Variants in MAGI1 observed in about 807,000 individuals in gnomAD.
MAGI1 encodes membrane associated guanylate kinase, WW and PDZ domain containing 1, also known as membrane-associated guanylate kinase, WW and PDZ domain-containing protein 1.
Under a neutral mutation model 139.9 loss-of-function variants are expected in MAGI1, and 58 were observed. That is an observed-to-expected ratio of 0.41 (90% confidence interval 0.34 to 0.52). MAGI1 has a LOEUF of 0.52. Ranked by LOEUF, MAGI1 falls within the 20% of genes least tolerant of loss-of-function variation. MAGI1 has a pLI of 0.12. For synonymous variants in MAGI1, 812 were observed against 737.9 expected, an observed-to-expected ratio of 1.10 and a Z score of -1.63; for missense variants, 1,874 against 1,901.6, an observed-to-expected ratio of 0.99 and a Z score of 0.27.
Position 65,687,400 on chromosome 3 carries a change from T to C in MAGI1, c.314-65312A>G, listed in dbSNP as rs2088147890. The C allele has an allele frequency of 8.5e-6, 3 of 351,040 alleles. No homozygotes were observed. In the South Asian group the frequency reaches 8.8e-5, roughly 10 times the overall value. 21.7% of individuals were successfully genotyped at this position (351,040 alleles called of 1,614,324 possible). ...CCTTTGTACCACATATCCCGTTTGA[T>C]TTCTATTTGTGTGAAATGGCCCTCC... On this transcript the variant is annotated intron_variant, in intron 1 of 22. Coordinates refer to ENST00000402939, the MANE Select transcript of MAGI1 (RefSeq NM_001033057.2).
At chr3:65,926,719 G>A (rs2062542669) in intron 1 of MAGI1, among the ~76,000 whole-genome samples, 1 of 152,156 alleles carries the variant, frequency 6.6e-6, no homozygotes, top group African/African-American at 2.4e-5. Flanking sequence ...TGGGGGCCGG[G>A]CGTGGTGGCT....
intron 1 of MAGI1, among the ~76,000 whole-genome samples, chr3:65,642,655 CT>C (rs1221772755): frequency 2.6e-5 from 4 of 152,120 alleles, no homozygotes; most frequent in Non-Finnish European, 5.9e-5. Flanking sequence ...ATTTTCTATC[CT>C]TTTTCTTGAT....
intron 5 of MAGI1, among the ~76,000 whole-genome samples, chr3:65,456,610 T>C (rs148031675): frequency 7.8e-4 from 119 of 152,274 alleles, no homozygotes; most frequent in African/African-American, 2.7e-3. Context: ...ATTTCAAAAA[T>C]TTTCTGGTTT....
chr3:65,414,096 T>G lies in MAGI1; in HGVS notation c.2168-12626A>C, dbSNP rs540807758. Among the ~76,000 whole-genome samples, 5 of 152,340 alleles carry G rather than the reference T, an allele frequency of 3.3e-5. No individual in the cohort carries two copies. The South Asian group carries it at 6.2e-4, about 19-fold the overall frequency. On this transcript the variant is annotated intron_variant, in intron 12 of 22. Coordinates refer to ENST00000402939, the MANE Select transcript of MAGI1 (RefSeq NM_001033057.2). Reference sequence around the variant, plus strand: ...TACTGTTTATTTATTTCTTGGTAAATGAAGCTCTAATCAGGCTTTGAGTCA... The same window carrying G: ...TACTGTTTATTTATTTCTTGGTAAAGGAAGCTCTAATCAGGCTTTGAGTCA...
chr3:65,499,336 T>C (rs960109298), intron 2 of MAGI1, among the ~76,000 whole-genome samples: 7 of 152,144 alleles, frequency 4.6e-5, no homozygotes, highest in Non-Finnish European at 8.8e-5. Flanking sequence ...GTTTTAGCTA[T>C]GTAATGGTAA....
chr3:65,980,437 C>T (rs922763983), intron 1 of MAGI1, among the ~76,000 whole-genome samples: 13 of 151,976 alleles, frequency 8.6e-5, no homozygotes, highest in African/African-American at 3.1e-4. Context: ...GTGGTGCACG[C>T]CTATAATCCC....
chr3:65,720,451 A>G (rs2032871539), intron 1 of MAGI1, among the ~76,000 whole-genome samples: 1 of 152,016 alleles, frequency 6.6e-6, no homozygotes, highest in Admixed American at 6.6e-5. Context: ...TACCAATTCC[A>G]TCCTAATTTA....
At chr3:65,916,275 G>A (rs2108702611) in intron 1 of MAGI1, among the ~76,000 whole-genome samples, 1 of 152,106 alleles carries the variant, frequency 6.6e-6, no homozygotes, top group South Asian at 2.1e-4. Flanking sequence ...CGCCATGATA[G>A]CTAGGCTGAT....
chr3:65,656,541 A>C (rs1463736752), intron 1 of MAGI1, among the ~76,000 whole-genome samples: 2 of 152,194 alleles, frequency 1.3e-5, no homozygotes, highest in Non-Finnish European at 2.9e-5. Context: ...ATGGAATAAG[A>C]CAACATCAAA....
intron 1 of MAGI1, among the ~76,000 whole-genome samples, chr3:65,845,963 G>A (rs2058978596): frequency 6.6e-6 from 1 of 152,210 alleles, no homozygotes; most frequent in Admixed American, 6.5e-5. Flanking sequence ...ATGAAAAGCA[G>A]GTAGACAGCC....
intron 2 of MAGI1, among the ~76,000 whole-genome samples, chr3:65,591,400 A>G (rs941603053): frequency 6.6e-6 from 1 of 152,136 alleles, no homozygotes; most frequent in African/African-American, 2.4e-5. Context: ...CTCTCAAAAT[A>G]TATATAACCA....
At chr3:65,695,169 G>A (rs998983729) in intron 1 of MAGI1, among the ~76,000 whole-genome samples, 1 of 152,064 alleles carries the variant, frequency 6.6e-6, no homozygotes, top group African/African-American at 2.4e-5. Context: ...AACCGATAAG[G>A]TAGAAAAAAG....
chr3:65,509,817 C>T (rs2077487885), intron 2 of MAGI1, among the ~76,000 whole-genome samples: 1 of 152,088 alleles, frequency 6.6e-6, no homozygotes, highest in Non-Finnish European at 1.5e-5. Context: ...TCAAGGAGGC[C>T]TGCCTGCCTC....
chr3:65,390,677 G>C (rs983155661), intron 14 of MAGI1, among the ~76,000 whole-genome samples: 3 of 152,210 alleles, frequency 2.0e-5, no homozygotes, highest in East Asian at 1.9e-4. Flanking sequence ...AATGTTTAGA[G>C]AGATTATAAT....
chr3:65,773,543 C>CA (rs2107956560), intron 1 of MAGI1, among the ~76,000 whole-genome samples: 1 of 151,992 alleles, frequency 6.6e-6, no homozygotes, highest in African/African-American at 2.4e-5. Flanking sequence ...AAAAAAAAGA[C>CA]AAAAAAGAGT....
intron 1 of MAGI1, among the ~76,000 whole-genome samples, chr3:65,980,503 C>T (rs1193443597): frequency 5.4e-5 from 8 of 149,180 alleles, no homozygotes; most frequent in Non-Finnish European, 8.9e-5. Flanking sequence ...GTGAAGGTTG[C>T]AGCGAGCCAA....
At chr3:65,621,048 A>G (rs1220569846) in intron 2 of MAGI1, among the ~76,000 whole-genome samples, 1 of 152,196 alleles carries the variant, frequency 6.6e-6, no homozygotes, top group Non-Finnish European at 1.5e-5. Context: ...TTTATAGCAA[A>G]CAAATCATAG....
At position 65,759,588 on chromosome 3, in the gene MAGI1, G is replaced by C. The variant is rs147213643; in HGVS notation, c.314-137500C>G. 2.8e-4 allele frequency among the ~76,000 whole-genome samples: 43 copies of C among 152,294 alleles called. No individual in the cohort carries two copies. The East Asian group carries it at 6.4e-3, about 23-fold the overall frequency. On this transcript the variant is annotated intron_variant, in intron 1 of 22. Coordinates refer to ENST00000402939, the MANE Select transcript of MAGI1 (RefSeq NM_001033057.2). ...TATCTCAGCCAGCAGCAGTGGGTGG[G>C]GGGTAGAAGAGGCTGATTTCAAGTT...
At chr3:65,807,281 G>A (rs1053829764) in intron 1 of MAGI1, among the ~76,000 whole-genome samples, 1 of 152,184 alleles carries the variant, frequency 6.6e-6, no homozygotes, top group African/African-American at 2.4e-5. Flanking sequence ...CAGATGTGGT[G>A]TCTGGCAAGG....
Sources: allele counts gnomAD v4.1 joint callset (sites outside exome capture counted in the v4.1 genomes callset), GRCh38; gene constraint gnomAD v4.1.1; transcripts MANE v1.5; gene names NCBI Gene and HGNC (gene_info 2026-07-23, HGNC 2026-07-21).